Variants in GRXCR1 observed in about 807,000 individuals in gnomAD.
GRXCR1 encodes glutaredoxin and cysteine rich domain containing 1, also known as glutaredoxin domain-containing cysteine-rich protein 1.
A neutral mutation model predicts 27.3 loss-of-function variants in GRXCR1; 27 were observed. The ratio of observed to expected loss-of-function variants is 0.99; its 90% CI spans 0.73 to 1.37. GRXCR1 has a LOEUF of 1.37. Ranked by LOEUF, GRXCR1 falls within the 40% of genes most tolerant of loss-of-function variation. The pLI is 0.00. For synonymous variants in GRXCR1, 122 were observed against 131.1 expected (o/e 0.93, Z 0.47); for missense variants, 379 against 354.4 (o/e 1.07, Z -0.56).
intron 1 of GRXCR1, among the ~76,000 whole-genome samples, chr4:42,939,648 T>C (rs1324330846): frequency 6.6e-6 from 1 of 152,086 alleles, no homozygotes; most frequent in Admixed American, 6.6e-5. Context: ...TGAAATTGCC[T>C]AAGCACCCAT....
At chr4:43,020,045 C>G (rs1713047029) in intron 2 of GRXCR1, among the ~76,000 whole-genome samples, 1 of 152,072 alleles carries the variant, frequency 6.6e-6, no homozygotes, top group Admixed American at 6.6e-5. Context: ...TCCAGGCTCC[C>G]TAAACAATCC....
chr4:42,988,965 G>T (rs1711869509), intron 2 of GRXCR1, among the ~76,000 whole-genome samples: 1 of 152,064 alleles, frequency 6.6e-6, no homozygotes, highest in African/African-American at 2.4e-5. Context: ...TTCTGACTGG[G>T]TGACCTTAAA....
intron 1 of GRXCR1, among the ~76,000 whole-genome samples, chr4:42,940,812 ATGG>A (rs1238800428): frequency 3.9e-5 from 6 of 152,140 alleles, no homozygotes; most frequent in African/African-American, 1.2e-4. Flanking sequence ...CTCTAAGCAT[ATGG>A]TGTTATTTCA....
chr4:42,939,409 T>C (rs1577913713), intron 1 of GRXCR1, among the ~76,000 whole-genome samples: 1 of 152,092 alleles, frequency 6.6e-6, no homozygotes, highest in African/African-American at 2.4e-5. Context: ...TGGTGGAGTC[T>C]TTAGGTTTTT....
At chr4:42,929,747 T>C (rs1747261285) in intron 1 of GRXCR1, among the ~76,000 whole-genome samples, 1 of 151,938 alleles carries the variant, frequency 6.6e-6, no homozygotes, top group Non-Finnish European at 1.5e-5. Flanking sequence ...CCCCATCCAA[T>C]GAATGGAGAG....
chr4:42,996,933 A>G (rs1712184917), intron 2 of GRXCR1, among the ~76,000 whole-genome samples: 1 of 152,024 alleles, frequency 6.6e-6, no homozygotes, highest in Non-Finnish European at 1.5e-5. Flanking sequence ...TCTTTGTTAC[A>G]ATCTCTTGGC....
chr4:42,992,617 C>T (rs979002820), intron 2 of GRXCR1, among the ~76,000 whole-genome samples: 4 of 151,972 alleles, frequency 2.6e-5, no homozygotes, highest in East Asian at 1.9e-4. Flanking sequence ...TAGAGTAGGC[C>T]GTACTATTGC....
intron 1 of GRXCR1, among the ~76,000 whole-genome samples, chr4:42,952,467 C>T (rs1003531376): frequency 6.6e-6 from 1 of 152,050 alleles, no homozygotes; most frequent in Non-Finnish European, 1.5e-5. Flanking sequence ...ATTCACTTGA[C>T]CACCCCCTAC....
chr4:43,003,797 G>A (rs1301470570), intron 2 of GRXCR1, among the ~76,000 whole-genome samples: 1 of 152,234 alleles, frequency 6.6e-6, no homozygotes, highest in Non-Finnish European at 1.5e-5. Context: ...TAGAGGGTCT[G>A]AAATTGGACC....
chr4:42,981,502 C>G (rs1028559077), intron 2 of GRXCR1, among the ~76,000 whole-genome samples: 1 of 152,136 alleles, frequency 6.6e-6, no homozygotes, highest in African/African-American at 2.4e-5. Context: ...ATTAGAATAT[C>G]TGAATTTCAT....
At chr4:42,977,956 A>G (rs1577928829) in intron 2 of GRXCR1, among the ~76,000 whole-genome samples, 1 of 152,144 alleles carries the variant, frequency 6.6e-6, no homozygotes, top group East Asian at 1.9e-4. Flanking sequence ...TAGGTCTGTA[A>G]TCCATTTTCA....
In GRXCR1 at chr4:43,020,626, C is replaced by T. The variant is rs114372827; in HGVS notation, c.693+207C>T. Among the ~76,000 whole-genome samples, 779 of 152,254 alleles carry T rather than the reference C, an allele frequency of 5.1e-3. 13 individuals carry two copies. Among genetic ancestry groups the T allele is most frequent in the African/African-American group, 0.015 (638 of 41,550 alleles). On this transcript the variant is annotated intron_variant, in intron 3 of 3. Transcript: ENST00000399770. Reference sequence around the variant, plus strand: ...AATGTTAACTTCTAATGATCTCATACTATTAGGTGAGTGTTATGGTCAGCT... The same window carrying T: ...AATGTTAACTTCTAATGATCTCATATTATTAGGTGAGTGTTATGGTCAGCT...
chr4:43,006,981 T>C (rs1712581114), intron 2 of GRXCR1, among the ~76,000 whole-genome samples: 2 of 152,148 alleles, frequency 1.3e-5, no homozygotes, highest in Admixed American at 6.6e-5. Context: ...TCTGGGCAGG[T>C]TCCCCGATAA....
chr4:42,973,381 C>T (rs190433597), intron 2 of GRXCR1, among the ~76,000 whole-genome samples: 5 of 152,148 alleles, frequency 3.3e-5, no homozygotes, highest in African/African-American at 7.2e-5. Flanking sequence ...TTCTAATTTC[C>T]CCAAACAGAA....
intron 1 of GRXCR1, among the ~76,000 whole-genome samples, chr4:42,949,827 G>A (rs58854216): frequency 0.27 from 41,599 of 151,918 alleles, 6,299 homozygotes; most frequent in African/African-American, 0.4. Context: ...GTTTCCCTGA[G>A]GCTGTGTCCA....
chr4:43,013,348 A>G (rs28430755), intron 2 of GRXCR1, among the ~76,000 whole-genome samples: 8,689 of 152,260 alleles, frequency 0.057, 419 homozygotes, highest in African/African-American at 0.13. Flanking sequence ...GATGCTGCTG[A>G]GGGCCATTAT....
At chr4:42,946,690 C>T (rs1246755088) in intron 1 of GRXCR1, among the ~76,000 whole-genome samples, 1 of 152,120 alleles carries the variant, frequency 6.6e-6, no homozygotes, top group East Asian at 1.9e-4. Context: ...AACCCAGTTC[C>T]CTCTGGCCTC....
At chr4:42,976,792 T>A (rs1261951812) in intron 2 of GRXCR1, among the ~76,000 whole-genome samples, 1 of 152,038 alleles carries the variant, frequency 6.6e-6, no homozygotes, top group Admixed American at 6.6e-5. Flanking sequence ...CATAGCATTA[T>A]CTCACATAAT....
At chr4:43,005,223 C>T (rs982858033) in intron 2 of GRXCR1, among the ~76,000 whole-genome samples, 3 of 152,158 alleles carry the variant, frequency 2.0e-5, no homozygotes, top group Non-Finnish European at 2.9e-5. Flanking sequence ...TTGTAAGTTT[C>T]CTGAGGCCTC....
Sources: gnomAD v4.1 joint callset for allele counts (sites outside exome capture counted in the v4.1 genomes callset) on GRCh38, gnomAD v4.1.1 for gene constraint, MANE v1.5 for transcripts, NCBI Gene and HGNC (gene_info 2026-07-23, HGNC 2026-07-21) for gene names.